Variants in NOX4 observed in about 807,000 individuals in gnomAD.
The protein encoded by NOX4 is kidney oxidase-1.
A neutral mutation model predicts 87.6 loss-of-function variants in NOX4; 69 were observed. That is an observed-to-expected ratio of 0.79 (90% CI 0.65 to 0.96). The LOEUF is 0.96. Among genes scored for constraint, NOX4 ranks in the 40% least tolerant of loss-of-function variants. The probability of loss-of-function intolerance (pLI) is 0.00; values close to 1 mark genes in which losing one functional copy is unlikely to be tolerated. For missense variants in NOX4, 680 were observed against 681.5 expected, an observed-to-expected ratio of 1.00 and a Z score of 0.02; for synonymous variants, 275 against 238.2, an observed-to-expected ratio of 1.15 and a Z score of -1.42.
At chr11:89,584,350 T>C in the NOX4 span, among the ~76,000 whole-genome samples, 839 of 152,286 alleles carry the variant, frequency 5.5e-3, 6 homozygotes, top group African/African-American at 0.019. Context: ...CCTGTGCTCA[T>C]AGATATCTTT....
At chr11:89,373,871 CTAGAT>C (rs1354978879) in intron 11 of NOX4, among the ~76,000 whole-genome samples, 1 of 151,842 alleles carries the variant, frequency 6.6e-6, no homozygotes, top group Admixed American at 6.6e-5. Context: ...CATTTTCTCC[CTAGAT>C]AATATATACT....
rs367620746 is a variant in NOX4 at position 89,464,878 on chromosome 11, G to C, written c.154-12983C>G. On this transcript the variant is annotated intron_variant, in intron 2 of 17. Transcript: ENST00000263317. ...TTCTCTCCAAAATTCATTTGTTGAAGCCCTAGTCACCAATGTGATGGTATT... is the reference window on the plus strand; with the variant it reads ...TTCTCTCCAAAATTCATTTGTTGAACCCCTAGTCACCAATGTGATGGTATT... 3.3e-5 allele frequency among the ~76,000 whole-genome samples: 5 copies of C among 152,284 alleles called. No homozygotes were observed. The South Asian group carries it at 1.0e-3, about 32-fold the overall frequency.
rs1945845906 is a variant in NOX4 at position 89,338,858 on chromosome 11, C to T, written c.1446+1205G>A. Among the ~76,000 whole-genome samples the T allele has an allele frequency of 5.3e-5, 8 of 152,238 alleles. No homozygotes were observed. The South Asian group carries it at 1.7e-3, about 32-fold the overall frequency. On this transcript the variant is annotated intron_variant, in intron 15 of 17. Transcript: ENST00000263317. ...CTTGAACATGCAATATAAATTAACA[C>T]ACTCTCTACTGTTTACGCTGCTTTA...
intron 12 of NOX4, among the ~76,000 whole-genome samples, chr11:89,361,971 T>C (rs1938557703): frequency 6.6e-6 from 1 of 151,988 alleles, no homozygotes. Context: ...CTCACATCCA[T>C]TGACTGAACA....
At chr11:89,497,694 A>G (rs1293981170) in intron 1 of NOX4, among the ~76,000 whole-genome samples, 12 of 152,152 alleles carry the variant, frequency 7.9e-5, no homozygotes, top group Admixed American at 7.2e-4. Flanking sequence ...ATCTGACTAA[A>G]TTGTGAAATT....
chr11:89,357,647 C>T (rs1938173275), intron 12 of NOX4, among the ~76,000 whole-genome samples: 1 of 151,998 alleles, frequency 6.6e-6, no homozygotes, highest in Admixed American at 6.6e-5. Context: ...AGGTAAAGAA[C>T]CGTTAAATCA....
chr11:89,440,448 T>C (rs1351609573), intron 6 of NOX4, among the ~76,000 whole-genome samples: 1 of 152,048 alleles, frequency 6.6e-6, no homozygotes, highest in African/African-American at 2.4e-5. Context: ...GCCTCCTAAG[T>C]AGCTGGGATT....
intron 14 of NOX4, among the ~76,000 whole-genome samples, chr11:89,340,408 A>C (rs1945931775): frequency 9.0e-6 from 1 of 111,306 alleles, no homozygotes; most frequent in African/African-American, 5.2e-5. Flanking sequence ...TAGGTGTTTA[A>C]GTGTTAAATG....
intron 8 of NOX4, among the ~76,000 whole-genome samples, chr11:89,416,362 A>C (rs575244408): frequency 6.6e-6 from 1 of 152,320 alleles, no homozygotes; most frequent in East Asian, 1.9e-4. Context: ...GCCTCCCACC[A>C]GTAGCAAGAT....
intron 7 of NOX4, among the ~76,000 whole-genome samples, chr11:89,427,508 C>T (rs930712917): frequency 6.6e-6 from 1 of 152,024 alleles, no homozygotes; most frequent in Non-Finnish European, 1.5e-5. Context: ...CTAGAATAAC[C>T]AGTGTAGAGA....
chr11:89,439,461 T>C (rs1315724143), intron 6 of NOX4, among the ~76,000 whole-genome samples: 1 of 152,154 alleles, frequency 6.6e-6, no homozygotes, highest in Non-Finnish European at 1.5e-5. Context: ...TAAATCTAAA[T>C]ATATAGCTGT....
At chr11:89,399,009 T>A (rs1423527504) in intron 11 of NOX4, among the ~76,000 whole-genome samples, 1 of 151,990 alleles carries the variant, frequency 6.6e-6, no homozygotes, top group Non-Finnish European at 1.5e-5. Context: ...GAAAGACATA[T>A]GTCAAACAGT....
chr11:89,496,857 A>G (rs192690849), upstream of NOX4, among the ~76,000 whole-genome samples: 20 of 152,290 alleles, frequency 1.3e-4, 1 homozygote, highest in African/African-American at 4.3e-4. Context: ...CCTTAAATCT[A>G]TAAGGTAGGA....
At chr11:89,366,617 G>A (rs976328882) in intron 12 of NOX4, among the ~76,000 whole-genome samples, 6 of 151,026 alleles carry the variant, frequency 4.0e-5, no homozygotes, top group Admixed American at 3.3e-4. Flanking sequence ...GATCCTGGAA[G>A]GTCAAGGCTG....
At chr11:89,565,665 A>T in the NOX4 span, among the ~76,000 whole-genome samples, 1 of 152,132 alleles carries the variant, frequency 6.6e-6, no homozygotes, top group African/African-American at 2.4e-5. Context: ...AGCATGGCAC[A>T]TGTATACATA....
At chr11:89,579,860 A>C in the NOX4 span, among the ~76,000 whole-genome samples, 2 of 152,198 alleles carry the variant, frequency 1.3e-5, no homozygotes, top group East Asian at 1.9e-4. Context: ...ATGAGTATAC[A>C]CCTATAGAAA....
At chr11:89,466,785 G>A (rs1018545142) in intron 2 of NOX4, among the ~76,000 whole-genome samples, 14 of 152,082 alleles carry the variant, frequency 9.2e-5, no homozygotes, top group African/African-American at 3.1e-4. Context: ...GATCTAAATG[G>A]GAAGATCAGC....
At chr11:89,464,943 A>G (rs1005258589) in intron 2 of NOX4, among the ~76,000 whole-genome samples, 4 of 152,172 alleles carry the variant, frequency 2.6e-5, no homozygotes, top group African/African-American at 9.7e-5. Flanking sequence ...ATGTAGATGA[A>G]GTCATGAGAA....
At chr11:89,574,365 C>T in the NOX4 span, among the ~76,000 whole-genome samples, 15 of 152,302 alleles carry the variant, frequency 9.8e-5, no homozygotes, top group Admixed American at 3.3e-4. Flanking sequence ...CCCAATCTGT[C>T]GGATACCTAT....
Sources: gnomAD v4.1 joint callset for allele counts (sites outside exome capture counted in the v4.1 genomes callset) on GRCh38, gnomAD v4.1.1 for gene constraint, MANE v1.5 for transcripts, NCBI Gene and HGNC (gene_info 2026-07-23, HGNC 2026-07-21) for gene names.